Variants in PPP2R2B observed in about 807,000 individuals in gnomAD.
PPP2R2B encodes the protein protein phosphatase 2 regulatory subunit Bbeta.
In PPP2R2B, 5 loss-of-function variants were observed where a neutral mutation model predicts 46.0. The ratio of observed to expected loss-of-function variants is 0.11; its 90% CI spans 0.06 to 0.23. PPP2R2B has a LOEUF of 0.23. Among genes scored for constraint, PPP2R2B ranks in the 10% least tolerant of loss-of-function variants. The pLI is 1.00. For synonymous variants in PPP2R2B, 215 were observed against 206.7 expected (o/e 1.04, Z -0.34); for missense variants, 367 against 575.0 (o/e 0.64, Z 3.70).
intron 7 of PPP2R2B, among the ~76,000 whole-genome samples, chr5:146,601,973 C>CT (rs573000190): frequency 4.0e-4 from 61 of 152,320 alleles, no homozygotes; most frequent in African/African-American, 1.4e-3. Flanking sequence ...GCCTCTAATT[C>CT]TTTCTACCTT....
intron 1 of PPP2R2B, among the ~76,000 whole-genome samples, chr5:147,026,745 G>C (rs1361477884): frequency 6.6e-6 from 1 of 152,126 alleles, no homozygotes; most frequent in Non-Finnish European, 1.5e-5. Context: ...TTAAAACCAT[G>C]AGAAGATACT....
intron 2 of PPP2R2B, among the ~76,000 whole-genome samples, chr5:146,778,546 G>C (rs755334686): frequency 6.6e-6 from 1 of 152,144 alleles, no homozygotes; most frequent in Non-Finnish European, 1.5e-5. Flanking sequence ...TAGGGACTGT[G>C]TCTTATTCAT....
chr5:147,055,987 T>C (rs900011602), upstream of PPP2R2B: 8 of 1,336,846 alleles, frequency 6.0e-6, no homozygotes, highest in Admixed American at 6.1e-5. Flanking sequence ...AGCCGGGATA[T>C]AGCCTCTTCA....
exon 1 of PPP2R2B, chr5:147,055,918 C>T (rs574499489): frequency 3.2e-5 from 46 of 1,429,320 alleles, no homozygotes; most frequent in South Asian, 2.1e-4. Context: ...TTGCCATCAG[C>T]GCCAGGAAGC....
chr5:146,884,168 A>T (rs1167149438), intron 1 of PPP2R2B, among the ~76,000 whole-genome samples: 1 of 135,622 alleles, frequency 7.4e-6, no homozygotes, highest in Non-Finnish European at 1.5e-5. Flanking sequence ...TTACTTGCTG[A>T]TGTGTCTTTC....
At position 146,956,313 on chromosome 5, in the gene PPP2R2B, C is replaced by T. The variant is rs373704447; in HGVS notation, c.79+99352G>A. 1.8e-3 allele frequency among the ~76,000 whole-genome samples: 275 copies of T among 152,138 alleles called. 1 individual carries two copies. The highest frequency in any genetic ancestry group is 6.4e-3 in the African/African-American group (265 of 41,496). The stretch of plus-strand genomic sequence containing the variant: ...ACTTTAATCTCATGAATGGAAAAAA[C>T]TTTGCCTGAATTCTTGACTCCCATG... On this transcript the variant is annotated intron_variant, in intron 1 of 8. Coordinates refer to the PPP2R2B transcript ENST00000336640.
chr5:146,983,765 C>G (rs968835054), intron 1 of PPP2R2B, among the ~76,000 whole-genome samples: 22 of 151,994 alleles, frequency 1.4e-4, no homozygotes, highest in Middle Eastern at 3.2e-3. Context: ...TGTATTTACC[C>G]ACATTTTTGT....
chr5:146,772,106 T>A (rs542775062), intron 2 of PPP2R2B, among the ~76,000 whole-genome samples: 1 of 152,040 alleles, frequency 6.6e-6, no homozygotes, highest in Non-Finnish European at 1.5e-5. Context: ...TTCTGGAATA[T>A]CCATACTAAA....
At chr5:146,836,939 TTTCTTCA>T (rs1759322022) in intron 2 of PPP2R2B, among the ~76,000 whole-genome samples, 1 of 152,246 alleles carries the variant, frequency 6.6e-6, no homozygotes, top group Non-Finnish European at 1.5e-5. Flanking sequence ...CATCCATTCA[TTTCTTCA>T]TTCAACAAAT....
chr5:146,917,119 A>G (rs1265770731), intron 1 of PPP2R2B, among the ~76,000 whole-genome samples: 1 of 152,220 alleles, frequency 6.6e-6, no homozygotes, highest in Non-Finnish European at 1.5e-5. Context: ...GCTGGGCAGA[A>G]AAGATGAACA....
chr5:146,937,670 C>T (rs750295070), intron 1 of PPP2R2B, among the ~76,000 whole-genome samples: 2 of 151,924 alleles, frequency 1.3e-5, no homozygotes, highest in Admixed American at 1.3e-4. Flanking sequence ...TAGAGTGAGC[C>T]GCAGTTACAC....
intron 5 of PPP2R2B, among the ~76,000 whole-genome samples, chr5:146,672,754 TTTCTTG>T (rs1363727694): frequency 6.6e-6 from 1 of 152,220 alleles, no homozygotes; most frequent in Non-Finnish European, 1.5e-5. Flanking sequence ...CATTTAACAC[TTTCTTG>T]TTAATTTCCA....
At chr5:146,739,893 G>A (rs1752763168) in intron 2 of PPP2R2B, among the ~76,000 whole-genome samples, 2 of 152,180 alleles carry the variant, frequency 1.3e-5, no homozygotes, top group African/African-American at 2.4e-5. Context: ...TTGTAGATTT[G>A]AGGGAACTCA....
At chr5:146,628,380 G>A (rs1774202902) in intron 7 of PPP2R2B, among the ~76,000 whole-genome samples, 1 of 152,236 alleles carries the variant, frequency 6.6e-6, no homozygotes, top group Non-Finnish European at 1.5e-5. Context: ...TCCTTGGGCT[G>A]CAGACTTGCC....
At chr5:146,632,073 G>A (rs201125456) in intron 7 of PPP2R2B, among the ~76,000 whole-genome samples, 101 of 28,338 alleles carry the variant, frequency 3.6e-3, no homozygotes, top group African/African-American at 0.012. Flanking sequence ...CCCCCCCCCC[G>A]CCCATTCATA....
chr5:146,869,788 A>T (rs1761508638), intron 2 of PPP2R2B, among the ~76,000 whole-genome samples: 1 of 152,208 alleles, frequency 6.6e-6, no homozygotes, highest in Non-Finnish European at 1.5e-5. Context: ...ACATAAAGGC[A>T]GAGGGAAATG....
intron 1 of PPP2R2B, among the ~76,000 whole-genome samples, chr5:147,048,279 T>C (rs747736174): frequency 1.3e-5 from 2 of 152,196 alleles, no homozygotes; most frequent in African/African-American, 2.4e-5. Flanking sequence ...GCCTGGACTC[T>C]GGAGTCAGGC....
chr5:147,014,530 T>A (rs1041255903), intron 1 of PPP2R2B, among the ~76,000 whole-genome samples: 1 of 152,074 alleles, frequency 6.6e-6, no homozygotes, highest in African/African-American at 2.4e-5. Context: ...ATGTGGCACA[T>A]ATACACCATG....
At chr5:146,840,204 G>A (rs953037988) in intron 2 of PPP2R2B, among the ~76,000 whole-genome samples, 3 of 152,194 alleles carry the variant, frequency 2.0e-5, no homozygotes, top group Admixed American at 2.0e-4. Flanking sequence ...CTTGTCAATT[G>A]CTGCCTGATT....
Sources: gnomAD v4.1 joint callset for allele counts (sites outside exome capture counted in the v4.1 genomes callset) on GRCh38, gnomAD v4.1.1 for gene constraint, MANE v1.5 for transcripts, NCBI Gene and HGNC (gene_info 2026-07-23, HGNC 2026-07-21) for gene names.